The following RGS6 variants were observed in gnomAD, a reference collection of about 807,000 sequenced individuals.
RGS6 encodes the protein regulator of G protein signaling 6.
RGS6 carries 30 observed loss-of-function variants against 78.5 expected under a neutral mutation model. The ratio of observed to expected loss-of-function variants is 0.38; its 90% CI spans 0.29 to 0.52. The LOEUF is 0.52. Among genes scored for constraint, RGS6 ranks in the 20% least tolerant of loss-of-function variants. RGS6 has a pLI of 0.85. For missense variants in RGS6, 495 were observed against 609.7 expected (o/e 0.81, Z 1.98); for synonymous variants, 206 against 206.0 (o/e 1.00, Z 0.00).
At chr14:72,560,719 A>G (rs1443607920) in intron 17 of RGS6, among the ~76,000 whole-genome samples, 1 of 152,154 alleles carries the variant, frequency 6.6e-6, no homozygotes, top group Non-Finnish European at 1.5e-5. Flanking sequence ...TTAGCCAAGT[A>G]TAAATGTATC....
At position 72,472,946 on chromosome 14, in the gene RGS6, G is replaced by C. The variant is rs2096125517; in HGVS notation, c.611G>C (p.Arg204Thr). Residue 204 changes from arginine to threonine, a missense_variant, in exon 9 of 18, where the codon AGG becomes ACG. Coordinates refer to ENST00000553525, the MANE Select transcript of RGS6 (RefSeq NM_001204424.2). The stretch of plus-strand genomic sequence containing the variant: ...GAACGAGCCTTTTGGGATGTCCACA[G>C]GCCTGTGGTGAGAAAGCGCTACTCA... ...SQERAFWDVH[R>T]PVPGCVNTTE... is the part of the protein sequence containing the mutation. 1 of 1,599,864 alleles carries C rather than the reference G, an allele frequency of 6.3e-7. No individual in the cohort carries two copies. Among genetic ancestry groups the C allele is most frequent in the African/African-American group, 1.4e-5 (1 of 73,810 alleles).
chr14:72,091,801 A>C (rs8021620), intron 2 of RGS6, among the ~76,000 whole-genome samples: 1 of 152,012 alleles, frequency 6.6e-6, no homozygotes, highest in Non-Finnish European at 1.5e-5. Flanking sequence ...AATCACATTT[A>C]ACTGCTCTCC....
Position 72,375,837 on chromosome 14 carries a change from G to A in RGS6, c.184+23643G>A, listed in dbSNP as rs558889807. On this transcript the variant is annotated intron_variant, in intron 3 of 17. Transcript: ENST00000553525. ...AAGCAAAGCCAATGCACTGCATTGA[G>A]CCCACACCCCAACACCCACATAAAT... Among the ~76,000 whole-genome samples, 3 of 152,218 alleles carry A rather than the reference G, an allele frequency of 2.0e-5. No individual in the cohort carries two copies. The East Asian group carries it at 5.8e-4, about 29-fold the overall frequency.
intron 7 of RGS6, among the ~76,000 whole-genome samples, chr14:72,469,316 CCT>C (rs1387181035): frequency 6.6e-6 from 1 of 151,894 alleles, no homozygotes; most frequent in Non-Finnish European, 1.5e-5. Flanking sequence ...AAGCGACTCT[CCT>C]CCCTCAGTCT....
rs150879006 is a variant in RGS6, at chr14:72,318,139, C to T, written c.85-33956C>T. ...TGGCTCCCTCACCCCTCACCACCCT[C>T]TATTGCTCAGTGTACAGTGGGGAGG... is the stretch of plus-strand genomic sequence containing the variant. On this transcript the variant is annotated intron_variant, in intron 2 of 17. Transcript: ENST00000553525. Among the ~76,000 whole-genome samples the T allele has an allele frequency of 3.3e-3, 505 of 152,262 alleles. 2 individuals carry two copies. Among genetic ancestry groups the T allele is most frequent in the African/African-American group, 0.012 (493 of 41,530 alleles).
chr14:72,277,318 C>T (rs1237720441), intron 2 of RGS6, among the ~76,000 whole-genome samples: 2 of 152,214 alleles, frequency 1.3e-5, no homozygotes, highest in East Asian at 3.8e-4. Flanking sequence ...TCTCTACTAG[C>T]CGGGTGCGGT....
At chr14:72,547,045 C>T in intron 17 of RGS6, 3 of 840,072 alleles carry the variant, frequency 3.6e-6, no homozygotes, top group Non-Finnish European at 5.6e-6. Flanking sequence ...ACTGTGTGGG[C>T]TCCCACCTGC....
chr14:72,084,771 A>C (rs925359637), intron 2 of RGS6, among the ~76,000 whole-genome samples: 2 of 152,002 alleles, frequency 1.3e-5, no homozygotes, highest in East Asian at 3.9e-4. Flanking sequence ...TTGCACATAT[A>C]TAAAAAACGA....
At chr14:72,425,670 C>T (rs936809447) in intron 3 of RGS6, among the ~76,000 whole-genome samples, 1 of 152,104 alleles carries the variant, frequency 6.6e-6, no homozygotes, top group Admixed American at 6.5e-5. Context: ...AATACAAATC[C>T]AGCCTAGCAC....
intron 2 of RGS6, among the ~76,000 whole-genome samples, chr14:72,340,304 A>C (rs1047814748): frequency 2.0e-5 from 3 of 152,184 alleles, no homozygotes; most frequent in Non-Finnish European, 4.4e-5. Context: ...TGAAAGAAGA[A>C]AATGCCTGGG....
chr14:72,387,271 T>C (rs115406473), intron 3 of RGS6, among the ~76,000 whole-genome samples: 9,944 of 152,176 alleles, frequency 0.065, 411 homozygotes, highest in African/African-American at 0.12. Context: ...GAGAGGGGGC[T>C]GGGCGCGGTG....
chr14:72,616,423 G>C, the RGS6 span, among the ~76,000 whole-genome samples: 1 of 152,126 alleles, frequency 6.6e-6, no homozygotes, highest in Admixed American at 6.5e-5. Context: ...TGATTTCCTT[G>C]GTCGCAGCCC....
At chr14:72,503,783 G>A (rs1303509591) in intron 13 of RGS6, among the ~76,000 whole-genome samples, 1 of 152,166 alleles carries the variant, frequency 6.6e-6, no homozygotes, top group Non-Finnish European at 1.5e-5. Context: ...GCTTTCCTGG[G>A]CTGATGCTCT....
chr14:72,077,454 G>C (rs1296369779), intron 2 of RGS6, among the ~76,000 whole-genome samples: 1 of 151,360 alleles, frequency 6.6e-6, no homozygotes, highest in African/African-American at 2.4e-5. Flanking sequence ...ATATCTTTCA[G>C]TCCTTTTCTA....
chr14:72,386,682 A>G (rs2088177999), intron 3 of RGS6, among the ~76,000 whole-genome samples: 1 of 152,240 alleles, frequency 6.6e-6, no homozygotes. Context: ...CCAGAGCCCC[A>G]TGATCCCTAT....
chr14:72,178,943 G>A (rs769827809), intron 2 of RGS6, among the ~76,000 whole-genome samples: 6 of 152,234 alleles, frequency 3.9e-5, no homozygotes, highest in Non-Finnish European at 8.8e-5. Flanking sequence ...CCTTGGGTTT[G>A]TAAATATCCT....
chr14:71,992,571 AG>A (rs1240213878), intron 2 of RGS6, among the ~76,000 whole-genome samples: 1 of 152,212 alleles, frequency 6.6e-6, no homozygotes, highest in Non-Finnish European at 1.5e-5. Flanking sequence ...AATTTGCCTA[AG>A]GTTAGATGGT....
At chr14:71,905,542 G>A in the RGS6 span, among the ~76,000 whole-genome samples, 1 of 152,054 alleles carries the variant, frequency 6.6e-6, no homozygotes, top group African/African-American at 2.4e-5. Flanking sequence ...TCAGGCTGGA[G>A]TGCAGTGGCG....
chr14:71,902,085 G>A, the RGS6 span, among the ~76,000 whole-genome samples: 1 of 140,578 alleles, frequency 7.1e-6, no homozygotes, highest in Admixed American at 7.1e-5. Flanking sequence ...GAAAAAACCT[G>A]GAGAAAGAAC....
Sources: allele counts gnomAD v4.1 joint callset (sites outside exome capture counted in the v4.1 genomes callset), GRCh38; gene constraint gnomAD v4.1.1; transcripts MANE v1.5; gene names NCBI Gene and HGNC (gene_info 2026-07-23, HGNC 2026-07-21).